The following PHF3 variants were observed in gnomAD, a reference collection of about 807,000 sequenced individuals.
The protein encoded by PHF3 is PHD finger protein 3.
A neutral mutation model predicts 178.4 loss-of-function variants in PHF3; 41 were observed. The observed-to-expected ratio is 0.23, with a 90% CI of 0.18 to 0.30. The LOEUF (loss-of-function observed/expected upper bound fraction) is 0.30. Among genes scored for constraint, PHF3 ranks in the 10% least tolerant of loss-of-function variants. PHF3 has a pLI of 1.00. For synonymous variants in PHF3, 842 were observed against 800.5 expected (o/e 1.05, Z -0.88); for missense variants, 2,346 against 2,398.1 (o/e 0.98, Z 0.45).
intron 2 of PHF3, among the ~76,000 whole-genome samples, chr6:63,667,167 G>A (rs977071081): frequency 6.6e-6 from 1 of 152,074 alleles, no homozygotes; most frequent in East Asian, 1.9e-4. Context: ...TTGATATGCT[G>A]TTGGTTTTAT....
intron 1 of PHF3, 54 bp from the exon 2 acceptor site, chr6:63,646,473 T>G: frequency 7.8e-7 from 1 of 1,285,780 alleles, no homozygotes; most frequent in Middle Eastern, 2.6e-4. Flanking sequence ...TGGTATTAGG[T>G]GATTTTCAAT....
At chr6:63,645,309 T>G (rs1199116555) in intron 1 of PHF3, among the ~76,000 whole-genome samples, 2 of 152,204 alleles carry the variant, frequency 1.3e-5, no homozygotes, top group Non-Finnish European at 2.9e-5. Flanking sequence ...GGCTCTGTTT[T>G]GTGACTTTGG....
At chr6:63,645,906 T>A (rs1388586911) in intron 1 of PHF3, among the ~76,000 whole-genome samples, 1 of 152,174 alleles carries the variant, frequency 6.6e-6, no homozygotes, top group Non-Finnish European at 1.5e-5. Context: ...TTTGTGCACA[T>A]CTTTGTGTGT....
rs149007622 is a variant in PHF3, at chr6:63,677,438, AT to A, written c.245-2560del. ...CAGAAGTGAAGTGAAAAAAAAGGAGATTCAGAAAGTGGAGAGGAATCAGCTG... is the reference window on the plus strand; with the variant it reads ...CAGAAGTGAAGTGAAAAAAAAGGAGATCAGAAAGTGGAGAGGAATCAGCTG... On this transcript the variant is annotated intron_variant, in intron 2 of 15. Transcript: ENST00000262043. Among the ~76,000 whole-genome samples, 32 of 152,214 alleles carry A rather than the reference AT, an allele frequency of 2.1e-4. No individual in the cohort carries two copies. In the East Asian group the frequency reaches 6.0e-3, roughly 29 times the overall value.
At chr6:63,665,494 T>TTTG (rs1554150227) in intron 2 of PHF3, among the ~76,000 whole-genome samples, 1 of 146,030 alleles carries the variant, frequency 6.8e-6, no homozygotes, top group African/African-American at 2.5e-5. Context: ...TTGTTTTTTT[T>TTTG]TTTTTTTTTT....
chr6:63,704,088 T>G (rs149725394), intron 11 of PHF3, among the ~76,000 whole-genome samples: 1,680 of 152,258 alleles, frequency 0.011, 34 homozygotes, highest in African/African-American at 0.038. Flanking sequence ...AGCTTTTTAT[T>G]TTTAAGAGCA....
rs1221336849 is a variant in PHF3 at position 63,723,261 on chromosome 6, AAG to A, written c.*9557_*9558del. ...TGTATAGCATTTTTAACTATAAGGAAAGAGAAGCAACATTATAAACTTTCAGA... is the reference window on the plus strand; with the variant it reads ...TGTATAGCATTTTTAACTATAAGGAAAGAAGCAACATTATAAACTTTCAGA... On this transcript the variant is annotated 3_prime_UTR_variant, in exon 16 of 16. Transcript: ENST00000262043. 6.6e-6 allele frequency among the ~76,000 whole-genome samples: 1 copy of A among 152,200 alleles called. No homozygotes were observed.
chr6:63,707,196 C>T (rs1767731633), intron 13 of PHF3, among the ~76,000 whole-genome samples: 1 of 152,272 alleles, frequency 6.6e-6, no homozygotes, highest in Non-Finnish European at 1.5e-5. Context: ...AAAAGATTTA[C>T]ATACTTTTGG....
At chr6:63,692,756 A>T (rs923582944) in intron 5 of PHF3, among the ~76,000 whole-genome samples, 1 of 152,212 alleles carries the variant, frequency 6.6e-6, no homozygotes, top group African/African-American at 2.4e-5. Context: ...CTAGGAAGTG[A>T]TGATCTAGTT....
intron 1 of PHF3, among the ~76,000 whole-genome samples, chr6:63,642,527 T>C (rs1242916614): frequency 6.6e-6 from 1 of 152,244 alleles, no homozygotes; most frequent in Non-Finnish European, 1.5e-5. Flanking sequence ...ACTTATATAC[T>C]TAGCTGCATA....
At chr6:63,659,609 T>C (rs1765382948) in intron 2 of PHF3, among the ~76,000 whole-genome samples, 1 of 152,222 alleles carries the variant, frequency 6.6e-6, no homozygotes, top group South Asian at 2.1e-4. Flanking sequence ...AGGTTGAGTA[T>C]CCCTTACCTG....
rs1254504559 is a variant in PHF3, at chr6:63,717,682, A to T, written c.*3974A>T. Among the ~76,000 whole-genome samples, 2 of 152,026 alleles carry T rather than the reference A, an allele frequency of 1.3e-5. No homozygotes were observed. Among genetic ancestry groups the T allele is most frequent in the African/African-American group, 4.8e-5 (2 of 41,432 alleles). Reference sequence around the variant, plus strand: ...AGCCTAAGCACTCAAAGGGCAGTGAATCCAATATAACTCTAAATATCCCCA... The same window carrying T: ...AGCCTAAGCACTCAAAGGGCAGTGATTCCAATATAACTCTAAATATCCCCA... On this transcript the variant is annotated 3_prime_UTR_variant, in exon 16 of 16. Coordinates refer to ENST00000262043, the MANE Select transcript of PHF3 (RefSeq NM_001370348.2).
At chr6:63,707,905 C>T (rs75563659) in intron 13 of PHF3, among the ~76,000 whole-genome samples, 2,725 of 145,636 alleles carry the variant, frequency 0.019, 225 homozygotes, top group Admixed American at 0.15. Context: ...TCTGCCCTGT[C>T]GCCCTGGCTG....
Position 63,721,213 on chromosome 6 carries a change from T to TAC in PHF3, c.*7509_*7510dup. 6.4e-7 allele frequency: 1 copy of TAC among 1,551,712 alleles called. No individual in the cohort carries two copies. Among genetic ancestry groups the TAC allele is most frequent in the Non-Finnish European group, 8.7e-7 (1 of 1,146,926 alleles). On this transcript the variant is annotated 3_prime_UTR_variant, in exon 16 of 16. Coordinates refer to ENST00000262043, the MANE Select transcript of PHF3 (RefSeq NM_001370348.2). ...CAATACCTTCCCACCCAACCCAAAG[T>TAC]ACACAGGCAACTGTAAGAAAATGAT...
chr6:63,639,636 A>G (rs989414827), intron 1 of PHF3, among the ~76,000 whole-genome samples: 1 of 152,214 alleles, frequency 6.6e-6, no homozygotes, highest in Non-Finnish European at 1.5e-5. Context: ...AAATGTAGGA[A>G]TATTGGGTAT....
At chr6:63,668,103 AATG>A (rs1436187925) in intron 2 of PHF3, among the ~76,000 whole-genome samples, 1 of 152,190 alleles carries the variant, frequency 6.6e-6, no homozygotes, top group African/African-American at 2.4e-5. Context: ...GTTGTAGCAA[AATG>A]ATGGCTTTCT....
chr6:63,721,508 A>G lies in PHF3; in HGVS notation c.*7800A>G, dbSNP rs1364416339. The G allele has an allele frequency of 2.6e-6, 4 of 1,550,980 alleles. No individual in the cohort carries two copies. Among genetic ancestry groups the G allele is most frequent in the Non-Finnish European group, 2.6e-6 (3 of 1,146,398 alleles). The stretch of plus-strand genomic sequence containing the variant: ...GTCGGATACAGCCTTGAAAACCTAC[A>G]GGTTCATTTTCTATTGCCATGGGAT... On this transcript the variant is annotated 3_prime_UTR_variant, in exon 16 of 16. Transcript: ENST00000262043.
chr6:63,684,035 A>C, intron 3 of PHF3, 94 bp from the exon 4 acceptor site: 1 of 977,278 alleles, frequency 1.0e-6, no homozygotes, highest in Non-Finnish European at 1.5e-6. Context: ...ATTATAGCTC[A>C]GAATAAAGAA....
intron 11 of PHF3, 68 bp downstream of exon 11, chr6:63,703,739 T>C (rs553768788): frequency 2.4e-4 from 341 of 1,432,738 alleles, no homozygotes; most frequent in Non-Finnish European, 2.8e-4. Flanking sequence ...GATACTAGTA[T>C]ATGTAATTTA....
Sources: allele counts gnomAD v4.1 joint callset (sites outside exome capture counted in the v4.1 genomes callset), GRCh38; gene constraint gnomAD v4.1.1; transcripts MANE v1.5; gene names NCBI Gene and HGNC (gene_info 2026-07-23, HGNC 2026-07-21).